CDC42BPB: variants seen among roughly 807,000 people sequenced by gnomAD.
CDC42BPB encodes the protein serine/threonine-protein kinase MRCK beta.
In CDC42BPB, 37 loss-of-function variants were observed where a neutral mutation model predicts 214.9. The ratio of observed to expected loss-of-function variants is 0.17; its 90% CI spans 0.13 to 0.23. CDC42BPB has a LOEUF of 0.23. CDC42BPB is among the 10% of genes least tolerant of loss of function. CDC42BPB has a pLI of 1.00. For missense variants in CDC42BPB, 1,694 were observed against 2,227.0 expected (o/e 0.76, Z 4.82); for synonymous variants, 931 against 884.0 (o/e 1.05, Z -0.94).
intron 1 of CDC42BPB, chr14:103,041,569 T>C (rs1279790596): frequency 3.3e-6 from 4 of 1,217,346 alleles, no homozygotes; most frequent in East Asian, 4.9e-5. Context: ...GATCCGCAGA[T>C]GCAAGGCCGG....
At chr14:102,954,964 T>C in intron 21 of CDC42BPB, 1 of 205,678 alleles carries the variant, frequency 4.9e-6, no homozygotes, top group Non-Finnish European at 8.6e-6. Context: ...GTCACCCCGC[T>C]GAGGTGAGAA....
intron 4 of CDC42BPB, among the ~76,000 whole-genome samples, chr14:103,003,465 T>G (rs968418367): frequency 6.6e-6 from 1 of 152,104 alleles, no homozygotes; most frequent in African/African-American, 2.4e-5. Flanking sequence ...GCGTGGAGAC[T>G]AAGAGTCACC....
At position 103,003,613 on chromosome 14, in the gene CDC42BPB, C is replaced by T. The variant is rs142280632; in HGVS notation, c.447+315G>A. On this transcript the variant is annotated intron_variant, in intron 4 of 36. Coordinates refer to ENST00000361246, the MANE Select transcript of CDC42BPB (RefSeq NM_006035.4). ...CATCCACGTGGCTTAATCCCCACTGCGGTTCCTTATTCTCAATAATCCAAG... is the reference window on the plus strand; with the variant it reads ...CATCCACGTGGCTTAATCCCCACTGTGGTTCCTTATTCTCAATAATCCAAG... Among the ~76,000 whole-genome samples the T allele has an allele frequency of 7.6e-3, 1,154 of 152,344 alleles. 15 individuals carry two copies. Among genetic ancestry groups the T allele is most frequent in the Non-Finnish European group, 0.011 (732 of 68,030 alleles).
intron 36 of CDC42BPB, 117 bp from the exon 37 acceptor site, chr14:102,933,960 TCA>T: frequency 7.0e-7 from 1 of 1,422,946 alleles, no homozygotes; most frequent in Non-Finnish European, 9.1e-7. Context: ...TCTTCTCCCT[TCA>T]TGTTATGAAA....
intron 1 of CDC42BPB, among the ~76,000 whole-genome samples, chr14:103,030,502 C>A (rs1162415549): frequency 6.6e-6 from 1 of 152,120 alleles, no homozygotes; most frequent in Non-Finnish European, 1.5e-5. Flanking sequence ...TCAAGACCAG[C>A]CTGGCCAACA....
intron 4 of CDC42BPB, 116 bp downstream of exon 4, chr14:103,003,812 C>T: frequency 1.3e-6 from 1 of 752,966 alleles, no homozygotes; most frequent in Non-Finnish European, 2.1e-6. Flanking sequence ...TTTATCGAGT[C>T]CAATACACAT....
intron 22 of CDC42BPB, 98 bp from the exon 23 acceptor site, chr14:102,954,373 T>A: frequency 6.9e-7 from 1 of 1,446,404 alleles, no homozygotes; most frequent in East Asian, 2.5e-5. Flanking sequence ...GTGTTAACAG[T>A]GAACAGTTCT....
At chr14:103,039,415 A>C (rs1887857523) in intron 1 of CDC42BPB, among the ~76,000 whole-genome samples, 1 of 152,170 alleles carries the variant, frequency 6.6e-6, no homozygotes, top group East Asian at 1.9e-4. Context: ...AACACAGAGA[A>C]AGAATTATAT....
chr14:103,040,743 C>T (rs1245908939), intron 1 of CDC42BPB, among the ~76,000 whole-genome samples: 1 of 152,184 alleles, frequency 6.6e-6, no homozygotes, highest in Non-Finnish European at 1.5e-5. Flanking sequence ...CAGGCGTGAG[C>T]CACCATAGCC....
chr14:102,991,374 C>T lies in CDC42BPB; in HGVS notation c.597-4794G>A, dbSNP rs75552707. 5.0e-3 allele frequency among the ~76,000 whole-genome samples: 757 copies of T among 152,304 alleles called. 12 individuals carry two copies. The highest frequency in any genetic ancestry group is 0.017 in the African/African-American group (707 of 41,558). ...ATTCGCCAAACACATCAATGTTCTT[C>T]CAACATGCCAATGTCACAACAAAGG... On this transcript the variant is annotated intron_variant, in intron 5 of 36. Transcript: ENST00000361246.
At chr14:102,976,492 G>A (rs1443996318) in intron 9 of CDC42BPB, among the ~76,000 whole-genome samples, 1 of 152,238 alleles carries the variant, frequency 6.6e-6, no homozygotes, top group African/African-American at 2.4e-5. Flanking sequence ...TGCAGGCTAA[G>A]CCACCAATTC....
intron 1 of CDC42BPB, among the ~76,000 whole-genome samples, chr14:103,032,084 T>C (rs1324931305): frequency 6.6e-6 from 1 of 151,964 alleles, no homozygotes; most frequent in African/African-American, 2.4e-5. Flanking sequence ...CGGCCAGCCT[T>C]GTGGCCTCAG....
At chr14:102,968,745 A>C in intron 14 of CDC42BPB, 29 bp from the exon 15 acceptor site, 2 of 1,610,576 alleles carry the variant, frequency 1.2e-6, no homozygotes, top group Non-Finnish European at 1.7e-6. Context: ...ATAAATTGAC[A>C]AACCTCTGTG....
At chr14:103,053,488 A>C (rs10137976) in intron 1 of CDC42BPB, among the ~76,000 whole-genome samples, 2 of 151,764 alleles carry the variant, frequency 1.3e-5, no homozygotes, top group Admixed American at 6.6e-5. Context: ...TCGGCCAGGC[A>C]CGGTGGCTCA....
At chr14:102,948,020 A>T (rs889643966) in intron 26 of CDC42BPB, 4 of 960,180 alleles carry the variant, frequency 4.2e-6, no homozygotes, top group Non-Finnish European at 4.9e-6. Flanking sequence ...CGCAAGGGAA[A>T]CCCCGGAGCC....
At chr14:103,041,882 C>A in intron 1 of CDC42BPB, 1 of 424,614 alleles carries the variant, frequency 2.4e-6, no homozygotes, top group Non-Finnish European at 4.6e-6. Context: ...GGAGACAGTT[C>A]TGCTGAAGAA....
intron 12 of CDC42BPB, among the ~76,000 whole-genome samples, chr14:102,973,419 AAAGTTTCCC>A (rs1242031826): frequency 3.9e-5 from 6 of 152,234 alleles, no homozygotes; most frequent in African/African-American, 1.2e-4. Context: ...CCTGAGCATA[AAAGTTTCCC>A]ATATATTACT....
At chr14:102,963,293 C>A in intron 19 of CDC42BPB, 138 bp from the exon 20 acceptor site, 1 of 1,382,056 alleles carries the variant, frequency 7.2e-7, no homozygotes, top group Non-Finnish European at 9.3e-7. Context: ...TCATGCTGGG[C>A]CTTTCTACTG....
intron 24 of CDC42BPB, among the ~76,000 whole-genome samples, chr14:102,951,988 C>G (rs192700254): frequency 9.9e-5 from 15 of 152,278 alleles, no homozygotes; most frequent in Admixed American, 1.3e-4. Context: ...AGGCGCACAG[C>G]ACAATGGAGC....
Sources: allele counts gnomAD v4.1 joint callset (sites outside exome capture counted in the v4.1 genomes callset), GRCh38; gene constraint gnomAD v4.1.1; transcripts MANE v1.5; gene names NCBI Gene and HGNC (gene_info 2026-07-23, HGNC 2026-07-21).